PDZD2: variants seen among roughly 807,000 people sequenced by gnomAD.
PDZD2 encodes the protein PDZ domain containing 2.
PDZD2 carries 90 observed loss-of-function variants against 220.7 expected under a neutral mutation model. The observed-to-expected ratio is 0.41, with a 90% CI of 0.34 to 0.49. The LOEUF (loss-of-function observed/expected upper bound fraction) is 0.49, where lower values mean the gene tolerates loss of function less well. PDZD2 is among the 20% of genes least tolerant of loss of function. The pLI is 0.28. For missense variants in PDZD2, 3,174 were observed against 3,608.5 expected (o/e 0.88, Z 3.08); for synonymous variants, 1,375 against 1,450.5 (o/e 0.95, Z 1.18).
At chr5:31,771,041 G>A (rs1270641279) in intron 1 of PDZD2, among the ~76,000 whole-genome samples, 13 of 152,206 alleles carry the variant, frequency 8.5e-5, no homozygotes, top group Admixed American at 8.5e-4. Flanking sequence ...TGCAATTTAT[G>A]AAGGGAAAAT....
intron 3 of PDZD2, 67 bp from the exon 4 acceptor site, chr5:31,995,509 C>T (rs1221212605): frequency 1.2e-5 from 19 of 1,565,220 alleles, no homozygotes; most frequent in Admixed American, 3.3e-5. Flanking sequence ...GTGACAGCTC[C>T]GTTCTCCTGT....
At chr5:31,736,755 G>A (rs959245184) in intron 1 of PDZD2, among the ~76,000 whole-genome samples, 1 of 152,192 alleles carries the variant, frequency 6.6e-6, no homozygotes, top group East Asian at 1.9e-4. Flanking sequence ...GTTGGAGGTG[G>A]GGCCTGCTGG....
chr5:31,830,894 G>C lies in PDZD2; in HGVS notation c.476+31170G>C, dbSNP rs147621012. On this transcript the variant is annotated intron_variant, in intron 2 of 24. Coordinates refer to ENST00000438447, the MANE Select transcript of PDZD2 (RefSeq NM_178140.4). ...GACCAAGGCTTCTCAGGCTAATTCA[G>C]AGGCATTGTGGCACAGCTCAGACAG... 7.2e-4 allele frequency among the ~76,000 whole-genome samples: 110 copies of C among 152,316 alleles called. No homozygotes were observed. In the East Asian group the frequency reaches 0.019, roughly 27 times the overall value.
At chr5:31,892,679 C>T (rs1385850911) in intron 2 of PDZD2, among the ~76,000 whole-genome samples, 1 of 151,190 alleles carries the variant, frequency 6.6e-6, no homozygotes, top group Non-Finnish European at 1.5e-5. Context: ...GTGATCCTCC[C>T]ACCTCATCCT....
chr5:31,881,368 G>GTGTGTGTATA (rs1554088494), intron 2 of PDZD2, among the ~76,000 whole-genome samples: 1 of 83,444 alleles, frequency 1.2e-5, no homozygotes, highest in African/African-American at 4.5e-5. Context: ...GTGTGTGTGT[G>GTGTGTGTATA]TATATATTTT....
intron 2 of PDZD2, among the ~76,000 whole-genome samples, chr5:31,863,541 A>C (rs775631547): frequency 6.6e-6 from 1 of 152,156 alleles, no homozygotes; most frequent in Non-Finnish European, 1.5e-5. Context: ...TGCTTGTTTT[A>C]ATTGCCAACT....
At chr5:31,878,339 T>G (rs1317631223) in intron 2 of PDZD2, among the ~76,000 whole-genome samples, 2 of 152,056 alleles carry the variant, frequency 1.3e-5, no homozygotes, top group African/African-American at 4.8e-5. Flanking sequence ...TTCCCAGTGC[T>G]CCCATCAACC....
intron 1 of PDZD2, among the ~76,000 whole-genome samples, chr5:31,772,825 A>G (rs1752413219): frequency 6.6e-6 from 1 of 152,216 alleles, no homozygotes; most frequent in South Asian, 2.1e-4. Context: ...CCTTTCCATC[A>G]ATCACAGACC....
At chr5:32,053,562 A>T (rs548200850) in intron 9 of PDZD2, among the ~76,000 whole-genome samples, 1 of 152,330 alleles carries the variant, frequency 6.6e-6, no homozygotes, top group South Asian at 2.1e-4. Flanking sequence ...GTGCAGCGTA[A>T]ATAGATCGGA....
At chr5:31,767,291 C>T (rs955615170) in intron 1 of PDZD2, among the ~76,000 whole-genome samples, 3 of 152,232 alleles carry the variant, frequency 2.0e-5, no homozygotes, top group African/African-American at 7.2e-5. Context: ...CTCGGCCTCC[C>T]AAAGTGCTGG....
At chr5:31,813,626 A>G (rs1755262243) in intron 2 of PDZD2, among the ~76,000 whole-genome samples, 1 of 152,172 alleles carries the variant, frequency 6.6e-6, no homozygotes, top group Admixed American at 6.5e-5. Context: ...CTTAAGGTAA[A>G]AAGCTACATA....
At chr5:31,818,708 C>A (rs916432586) in intron 2 of PDZD2, among the ~76,000 whole-genome samples, 3 of 152,138 alleles carry the variant, frequency 2.0e-5, no homozygotes, top group Non-Finnish European at 2.9e-5. Flanking sequence ...TCCTCAGATA[C>A]CCCGTCTCTC....
At chr5:31,881,584 G>A (rs1025224938) in intron 2 of PDZD2, among the ~76,000 whole-genome samples, 1 of 151,568 alleles carries the variant, frequency 6.6e-6, no homozygotes, top group Non-Finnish European at 1.5e-5. Context: ...CACCATGTTG[G>A]CCAGACTGGT....
At chr5:31,851,669 A>G (rs1758063535) in intron 2 of PDZD2, among the ~76,000 whole-genome samples, 1 of 152,186 alleles carries the variant, frequency 6.6e-6, no homozygotes, top group African/African-American at 2.4e-5. Context: ...AACCAGACCC[A>G]AGACAAAATC....
At chr5:31,894,058 CTTTTT>C (rs35969573) in intron 2 of PDZD2, among the ~76,000 whole-genome samples, 4 of 69,786 alleles carry the variant, frequency 5.7e-5, no homozygotes, top group Admixed American at 2.1e-4. Flanking sequence ...CCACGCCCAG[CTTTTT>C]TTTTTTTTTT....
chr5:31,691,548 CTCT>C, intron 1 of PDZD2, among the ~76,000 whole-genome samples: 1 of 150,206 alleles, frequency 6.7e-6, no homozygotes, highest in African/African-American at 2.4e-5. Flanking sequence ...TGCTTTTATT[CTCT>C]TATCTGGCGC....
chr5:31,810,345 C>G (rs1418525897), intron 2 of PDZD2, among the ~76,000 whole-genome samples: 2 of 151,690 alleles, frequency 1.3e-5, no homozygotes, highest in South Asian at 2.1e-4. Context: ...TCACTGCAAC[C>G]TCCGCCTCCC....
At chr5:31,769,040 C>A (rs760675661) in intron 1 of PDZD2, among the ~76,000 whole-genome samples, 7 of 152,182 alleles carry the variant, frequency 4.6e-5, no homozygotes, top group Non-Finnish European at 1.0e-4. Context: ...TACTTAACAG[C>A]AGTGGGGATG....
intron 6 of PDZD2, among the ~76,000 whole-genome samples, chr5:32,011,076 G>C (rs1753280717): frequency 6.6e-6 from 1 of 150,386 alleles, no homozygotes. Context: ...TTAATTTCTA[G>C]AATGCTTTAT....
Sources: allele counts gnomAD v4.1 joint callset (sites outside exome capture counted in the v4.1 genomes callset), GRCh38; gene constraint gnomAD v4.1.1; transcripts MANE v1.5; gene names NCBI Gene and HGNC (gene_info 2026-07-23, HGNC 2026-07-21).